The following CCSER1 variants were observed in gnomAD, a reference collection of about 807,000 sequenced individuals.
The protein encoded by CCSER1 is coiled-coil serine rich protein 1, also known as serine-rich coiled-coil domain-containing protein 1.
A neutral mutation model predicts 82.0 loss-of-function variants in CCSER1; 41 were observed. The ratio of observed to expected loss-of-function variants is 0.50; its 90% CI spans 0.39 to 0.65. The LOEUF is 0.65. Ranked by LOEUF, CCSER1 falls within the 30% of genes least tolerant of loss-of-function variation. The pLI is 0.00. For synonymous variants in CCSER1, 414 were observed against 383.9 expected, an observed-to-expected ratio of 1.08 and a Z score of -0.92; for missense variants, 1,119 against 1,064.2, an observed-to-expected ratio of 1.05 and a Z score of -0.72.
intron 10 of CCSER1, among the ~76,000 whole-genome samples, chr4:91,177,700 C>A (rs565543669): frequency 1.2e-4 from 19 of 152,102 alleles, no homozygotes; most frequent in Middle Eastern, 3.4e-3. Context: ...CTATTTGATT[C>A]TTCTCTCTTT....
chr4:90,817,373 TA>T (rs2149772440), intron 8 of CCSER1, among the ~76,000 whole-genome samples: 1 of 152,226 alleles, frequency 6.6e-6, no homozygotes, highest in Non-Finnish European at 1.5e-5. Context: ...AACATTCATA[TA>T]CAAGAAATTG....
chr4:91,450,896 GA>G (rs36001301), intron 10 of CCSER1, among the ~76,000 whole-genome samples: 3 of 151,908 alleles, frequency 2.0e-5, no homozygotes, highest in African/African-American at 7.2e-5. Flanking sequence ...GCCAGGATGG[GA>G]AAAAAGTTGT....
At chr4:90,929,991 G>A (rs1428174917) in intron 9 of CCSER1, among the ~76,000 whole-genome samples, 1 of 152,042 alleles carries the variant, frequency 6.6e-6, no homozygotes, top group Non-Finnish European at 1.5e-5. Flanking sequence ...TGCCATAAAT[G>A]TATACAATTT....
intron 3 of CCSER1, among the ~76,000 whole-genome samples, chr4:90,382,216 T>C (rs17016970): frequency 0.36 from 55,401 of 151,908 alleles, 10,628 homozygotes; most frequent in African/African-American, 0.47. Context: ...TAGCTTGACT[T>C]TCATTTGCTA....
In CCSER1 at chr4:91,047,996, T is replaced by C. The variant is rs1742661880; in HGVS notation, c.2173-37954T>C. 2.0e-5 allele frequency among the ~76,000 whole-genome samples: 3 copies of C among 152,074 alleles called. No individual in the cohort carries two copies. In the South Asian group the frequency reaches 6.2e-4, roughly 31 times the overall value. On this transcript the variant is annotated intron_variant, in intron 9 of 10. Coordinates refer to ENST00000509176, the MANE Select transcript of CCSER1 (RefSeq NM_001145065.2). Reference sequence around the variant, plus strand: ...TGGTTCTTTGAGTATAAATTTATTGTCGTATAAACTCCTATCTCAAAAAAA... The same window carrying C: ...TGGTTCTTTGAGTATAAATTTATTGCCGTATAAACTCCTATCTCAAAAAAA...
At chr4:90,553,916 CA>C (rs1408051383) in intron 5 of CCSER1, among the ~76,000 whole-genome samples, 1 of 152,158 alleles carries the variant, frequency 6.6e-6, no homozygotes, top group Non-Finnish European at 1.5e-5. Context: ...ACCAACTTAT[CA>C]AATAGAATAA....
At chr4:91,291,303 T>C (rs1743724788) in intron 10 of CCSER1, among the ~76,000 whole-genome samples, 1 of 152,012 alleles carries the variant, frequency 6.6e-6, no homozygotes, top group African/African-American at 2.4e-5. Flanking sequence ...ATCATGGATT[T>C]TGAGGGTAAA....
At chr4:91,235,285 G>T (rs890053571) in intron 10 of CCSER1, among the ~76,000 whole-genome samples, 2 of 152,028 alleles carry the variant, frequency 1.3e-5, no homozygotes, top group African/African-American at 4.8e-5. Context: ...AGGTAAAATT[G>T]TTAGTATAGT....
chr4:90,207,353 A>G (rs1247669773), intron 1 of CCSER1, among the ~76,000 whole-genome samples: 1 of 152,050 alleles, frequency 6.6e-6, no homozygotes, highest in Non-Finnish European at 1.5e-5. Context: ...CAGGTCATTT[A>G]TGTTCTTCTC....
intron 9 of CCSER1, among the ~76,000 whole-genome samples, chr4:91,080,669 G>A (rs1722606706): frequency 6.6e-6 from 1 of 151,868 alleles, no homozygotes; most frequent in Non-Finnish European, 1.5e-5. Flanking sequence ...TAGACCACTA[G>A]CAAGACTAAT....
At chr4:91,292,490 ATTTG>A (rs1427284768) in intron 10 of CCSER1, among the ~76,000 whole-genome samples, 1 of 151,934 alleles carries the variant, frequency 6.6e-6, no homozygotes, top group Admixed American at 6.6e-5. Flanking sequence ...CCATTCTTCA[ATTTG>A]TTTGTGAAAT....
At position 91,496,698 on chromosome 4, in the gene CCSER1, ATATAT is replaced by A. The variant is rs1297914294; in HGVS notation, c.2218-101873_2218-101869del. ...ATATATTTGAATATATATATATTCA[ATATAT>A]ATATATATTCAATATATAGAATATA... is the stretch of plus-strand genomic sequence containing the variant. On this transcript the variant is annotated intron_variant, in intron 10 of 10. Coordinates refer to ENST00000509176, the MANE Select transcript of CCSER1 (RefSeq NM_001145065.2). 8.9e-4 allele frequency among the ~76,000 whole-genome samples: 33 copies of A among 37,148 alleles called. 4 individuals are homozygous for A. The highest frequency in any genetic ancestry group is 2.3e-3 in the African/African-American group (32 of 14,114). 24.4% of individuals were successfully genotyped at this position (37,148 alleles called of 152,430 possible).
At chr4:91,538,974 T>C (rs28368732) in intron 10 of CCSER1, among the ~76,000 whole-genome samples, 6,470 of 152,032 alleles carry the variant, frequency 0.043, 290 homozygotes, top group African/African-American at 0.11. Context: ...TTTACCCTTG[T>C]TCTGTCAGCC....
intron 10 of CCSER1, among the ~76,000 whole-genome samples, chr4:91,362,829 A>G (rs561837916): frequency 6.6e-6 from 1 of 151,938 alleles, no homozygotes; most frequent in East Asian, 1.9e-4. Context: ...GTTTCTCTTC[A>G]AAAAGCAGAA....
chr4:90,211,822 C>CT (rs1231650013), intron 1 of CCSER1, among the ~76,000 whole-genome samples: 3 of 151,874 alleles, frequency 2.0e-5, no homozygotes, highest in Admixed American at 1.3e-4. Context: ...TTGTTTTTTG[C>CT]TTTTTTTTCC....
chr4:91,057,823 T>C (rs999279522), intron 9 of CCSER1, among the ~76,000 whole-genome samples: 1 of 152,172 alleles, frequency 6.6e-6, no homozygotes, highest in African/African-American at 2.4e-5. Context: ...TGAATTTGTA[T>C]GTTTCTCCTT....
At chr4:90,881,590 G>C (rs149302165) in intron 8 of CCSER1, among the ~76,000 whole-genome samples, 1,944 of 152,064 alleles carry the variant, frequency 0.013, 53 homozygotes, top group African/African-American at 0.044. Context: ...TGGGCAATGT[G>C]GTGAAACCCC....
intron 10 of CCSER1, among the ~76,000 whole-genome samples, chr4:91,230,947 TA>T (rs1324490849): frequency 1.3e-5 from 2 of 151,874 alleles, no homozygotes; most frequent in African/African-American, 4.8e-5. Flanking sequence ...AGAATAATGT[TA>T]GTAATATAAT....
At chr4:91,189,848 T>C (rs1370297093) in intron 10 of CCSER1, among the ~76,000 whole-genome samples, 2 of 152,192 alleles carry the variant, frequency 1.3e-5, no homozygotes, top group Non-Finnish European at 2.9e-5. Context: ...ATTTAACATT[T>C]GCATTTAATT....
Sources: allele counts gnomAD v4.1 joint callset (sites outside exome capture counted in the v4.1 genomes callset), GRCh38; gene constraint gnomAD v4.1.1; transcripts MANE v1.5; gene names NCBI Gene and HGNC (gene_info 2026-07-23, HGNC 2026-07-21).